Variants in GRIN3A observed in about 807,000 individuals in gnomAD.
GRIN3A encodes glutamate receptor ionotropic, NMDA 3A.
GRIN3A carries 47 observed loss-of-function variants against 92.4 expected under a neutral mutation model. The ratio of observed to expected loss-of-function variants is 0.51; its 90% CI spans 0.40 to 0.65. The LOEUF (loss-of-function observed/expected upper bound fraction) is 0.65, where lower values mean the gene tolerates loss of function less well. Ranked by LOEUF, GRIN3A falls within the 30% of genes least tolerant of loss-of-function variation. The probability of loss-of-function intolerance (pLI) is 0.00; values close to 1 mark genes in which losing one functional copy is unlikely to be tolerated. For missense variants in GRIN3A, 1,324 were observed against 1,393.1 expected, an observed-to-expected ratio of 0.95 and a Z score of 0.79; for synonymous variants, 527 against 540.6, an observed-to-expected ratio of 0.97 and a Z score of 0.35.
chr9:101,712,460 A>C (rs1829890541), intron 1 of GRIN3A, among the ~76,000 whole-genome samples: 1 of 152,208 alleles, frequency 6.6e-6, no homozygotes, highest in African/African-American at 2.4e-5. Context: ...TGGAAGAACA[A>C]ATGAGGTAGA....
At position 101,687,321 on chromosome 9, in the gene GRIN3A, G is replaced by C. The variant is rs544556188; in HGVS notation, c.700-121C>G. 17 of 965,062 alleles carry C rather than the reference G, an allele frequency of 1.8e-5. No homozygotes were observed. In the South Asian group the frequency reaches 2.1e-4, roughly 12 times the overall value. 59.8% of individuals were successfully genotyped at this position (965,062 alleles called of 1,614,324 possible). ...ATTTCACTGTGATACATAGTTCTGG[G>C]ATAAAATTCCCATAGTTTGGAAAAC... is the stretch of plus-strand genomic sequence containing the variant. On this transcript the variant is annotated intron_variant, in intron 1 of 8. Coordinates refer to ENST00000361820, the MANE Select transcript of GRIN3A (RefSeq NM_133445.3).
Position 101,570,511 on chromosome 9 carries a change from C to T in GRIN3A, c.*2663G>A, listed in dbSNP as rs543186136. ...TTGCTACTTAACATGAAGACTGCTT[C>T]GTTTCACCACAAGCAATTATGGTTT... is the stretch of plus-strand genomic sequence containing the variant. On this transcript the variant is annotated 3_prime_UTR_variant, in exon 9 of 9. Coordinates refer to ENST00000361820, the MANE Select transcript of GRIN3A (RefSeq NM_133445.3). 2.4e-4 allele frequency: 36 copies of T among 152,768 alleles called. 1 individual carries two copies. Among genetic ancestry groups the T allele is most frequent in the African/African-American group, 8.7e-4 (36 of 41,592 alleles). The allele number at this position is 152,768 out of a possible 1,614,324, so 9.5% of individuals were successfully genotyped here.
At position 101,639,366 on chromosome 9, in the gene GRIN3A, T is replaced by C. The variant is rs756492296; in HGVS notation, c.2353-10965A>G. 2.6e-4 allele frequency among the ~76,000 whole-genome samples: 40 copies of C among 152,164 alleles called. 2 individuals are homozygous for C. Among genetic ancestry groups the C allele is most frequent in the Admixed American group, 2.4e-3 (37 of 15,282 alleles). On this transcript the variant is annotated intron_variant, in intron 3 of 8. Coordinates refer to ENST00000361820, the MANE Select transcript of GRIN3A (RefSeq NM_133445.3). ...CAGAAAAAAAAAAAGGAGGATGCCT[T>C]TAAGCCTATGGCATCAGAATAACCC...
In GRIN3A at chr9:101,623,489, A is replaced by C. The variant is rs1828585848; in HGVS notation, c.2499-56T>G. 44 of 1,238,892 alleles carry C rather than the reference A, an allele frequency of 3.6e-5. 1 individual carries two copies. The South Asian group carries it at 4.9e-4, about 14-fold the overall frequency. The allele number at this position is 1,238,892 out of a possible 1,614,324, so 76.7% of individuals were successfully genotyped here. ...AATGATTCATTAATGGGAAGGAAGC[A>C]TGAAGGCTGACAGCCGGCTTTTGTT... On this transcript the variant is annotated intron_variant, in intron 4 of 8. Transcript: ENST00000361820.
intron 7 of GRIN3A, among the ~76,000 whole-genome samples, chr9:101,578,836 T>A (rs1827857158): frequency 6.6e-6 from 1 of 152,198 alleles, no homozygotes; most frequent in Non-Finnish European, 1.5e-5. Context: ...GACCAGGGAC[T>A]TTAAACTCAC....
rs544702270 is a variant in GRIN3A at position 101,616,982 on chromosome 9, C to T, written c.2615-3455G>A. Among the ~76,000 whole-genome samples, 13 of 150,766 alleles carry T rather than the reference C, an allele frequency of 8.6e-5. No homozygotes were observed. The South Asian group carries it at 1.3e-3, about 15-fold the overall frequency. On this transcript the variant is annotated intron_variant, in intron 5 of 8. Transcript: ENST00000361820. ...TTGGGAGGCCAAGGTGGCCGGATCA[C>T]GAGATCAGGAGATGGAGACCATCCT...
chr9:101,657,349 A>G (rs908103648), intron 3 of GRIN3A, among the ~76,000 whole-genome samples: 2 of 151,990 alleles, frequency 1.3e-5, no homozygotes, highest in Non-Finnish European at 2.9e-5. Context: ...AACCTGCTCA[A>G]TTTCTTTCCT....
rs2118769854 is a variant in GRIN3A, at chr9:101,571,188, C to T, written c.*1986G>A. 1 of 152,282 alleles carries T rather than the reference C, an allele frequency of 6.6e-6. No homozygotes were observed. Among genetic ancestry groups the T allele is most frequent in the Admixed American group, 6.5e-5 (1 of 15,292 alleles). 9.4% of individuals were successfully genotyped at this position (152,282 alleles called of 1,614,324 possible). A position where few individuals can be genotyped will look rare whatever the true frequency, so the allele number is the denominator to read the frequency against. ...TGTGTTTTCAGGGCTCACCTGTTTC[C>T]TCATTATTGAACTGTTTCATCTGTG... On this transcript the variant is annotated 3_prime_UTR_variant, in exon 9 of 9. Coordinates refer to ENST00000361820, the MANE Select transcript of GRIN3A (RefSeq NM_133445.3).
chr9:101,648,413 A>C (rs561756894), intron 3 of GRIN3A, among the ~76,000 whole-genome samples: 1 of 152,106 alleles, frequency 6.6e-6, no homozygotes, highest in South Asian at 2.1e-4. Context: ...TCCATGTGCT[A>C]TTAGGAAAAT....
At chr9:101,633,531 G>A (rs896286897) in intron 3 of GRIN3A, among the ~76,000 whole-genome samples, 8 of 152,154 alleles carry the variant, frequency 5.3e-5, no homozygotes, top group African/African-American at 1.4e-4. Flanking sequence ...GTAATGGTCC[G>A]TGGTCTGGTG....
At chr9:101,695,221 T>G (rs926069790) in intron 1 of GRIN3A, among the ~76,000 whole-genome samples, 2 of 152,164 alleles carry the variant, frequency 1.3e-5, no homozygotes, top group African/African-American at 4.8e-5. Context: ...GCTAGAGTGG[T>G]GGTGCATTCA....
intron 1 of GRIN3A, among the ~76,000 whole-genome samples, chr9:101,705,228 G>A (rs548471969): frequency 6.6e-6 from 1 of 152,066 alleles, no homozygotes; most frequent in East Asian, 1.9e-4. Flanking sequence ...ACACACAAGC[G>A]GCTGAATGTT....
At chr9:101,699,325 C>A (rs1374291470) in intron 1 of GRIN3A, among the ~76,000 whole-genome samples, 1 of 152,028 alleles carries the variant, frequency 6.6e-6, no homozygotes, top group Non-Finnish European at 1.5e-5. Flanking sequence ...AAAAATGCTG[C>A]CTTCTGGAAT....
At chr9:101,646,687 AT>A (rs1283706011) in intron 3 of GRIN3A, among the ~76,000 whole-genome samples, 16 of 151,674 alleles carry the variant, frequency 1.1e-4, no homozygotes, top group African/African-American at 3.9e-4. Flanking sequence ...GTCCTCTTCA[AT>A]TTCTTTAATC....
chr9:101,628,510 A>AC, intron 3 of GRIN3A, 109 bp from the exon 4 acceptor site: 1 of 1,045,612 alleles, frequency 9.6e-7, no homozygotes, highest in South Asian at 1.4e-5. Flanking sequence ...AACTTTTCTA[A>AC]CCCCCACAGG....
At position 101,613,509 on chromosome 9, in the gene GRIN3A, G is replaced by A. The variant is rs777946301; in HGVS notation, c.2633C>T (p.Pro878Leu). Residue 878 changes from proline to leucine, a missense_variant, in exon 6 of 9, where the codon CCA (proline) becomes CTA (leucine). By Grantham distance (98) the Pro-to-Leu change is moderately conservative (BLOSUM62 -3). Transcript: ENST00000361820. ...GTTGGCGGTCAATGGAGAGTTGGGTGGGAGGCCAATGCCGTATCCTAGAAG... is the reference window on the plus strand; with the variant it reads ...GTTGGCGGTCAATGGAGAGTTGGGTAGGAGGCCAATGCCGTATCCTAGAAG... The part of the protein sequence containing the change: ...FAIEGYGIGL[P>L]PNSPLTANIS... 3 of 1,614,062 alleles carry A rather than the reference G, an allele frequency of 1.9e-6. No individual in the cohort carries two copies. The highest frequency in any genetic ancestry group is 2.7e-5 in the African/African-American group (2 of 74,950).
At chr9:101,685,713 T>C (rs1346510861) in intron 2 of GRIN3A, among the ~76,000 whole-genome samples, 1 of 151,198 alleles carries the variant, frequency 6.6e-6, no homozygotes, top group African/African-American at 2.4e-5. Flanking sequence ...TAAACAAATA[T>C]AATTATGAAT....
At position 101,573,287 on chromosome 9, in the gene GRIN3A, G is replaced by T. The variant is rs139959805; in HGVS notation, c.3235C>A (p.Leu1079Ile). ...NVSRNSVMQE[L>I]SELEKQIQVI... is the part of the protein sequence containing the mutation. ...TGAATCTGCTTCTCGAGCTCTGAGA[G>T]TTCCTGCATCACTGAGTTCCGAGAT... is the stretch of plus-strand genomic sequence containing the variant. Residue 1079 changes from leucine to isoleucine, a missense_variant, in exon 9 of 9, where the codon CTC (leucine) becomes ATC (isoleucine). By Grantham distance (5) the Leu-to-Ile change is conservative (BLOSUM62 2). Transcript: ENST00000361820. 1 of 1,613,894 alleles carries T rather than the reference G, an allele frequency of 6.2e-7. No individual in the cohort carries two copies. Among genetic ancestry groups the T allele is most frequent in the African/African-American group, 1.3e-5 (1 of 74,882 alleles).
rs1245281323 is a variant in GRIN3A at position 101,574,535 on chromosome 9, T to TA, written c.3009-1023dup. ...TGAATTGACTTTTTTCCTGGACTCTTACTTGCCAGGAGAAGGGGACAATCT... is the reference window on the plus strand; with the variant it reads ...TGAATTGACTTTTTTCCTGGACTCTTAACTTGCCAGGAGAAGGGGACAATCT... On this transcript the variant is annotated intron_variant, in intron 8 of 8. Transcript: ENST00000361820. Among the ~76,000 whole-genome samples the TA allele has an allele frequency of 2.6e-5, 4 of 152,318 alleles. No homozygotes were observed. In the East Asian group the frequency reaches 7.7e-4, roughly 29 times the overall value.
Sources: gnomAD v4.1 joint callset for allele counts (sites outside exome capture counted in the v4.1 genomes callset) on GRCh38, gnomAD v4.1.1 for gene constraint, MANE v1.5 for transcripts, NCBI Gene and HGNC (gene_info 2026-07-23, HGNC 2026-07-21) for gene names.